The following SLK variants were observed in gnomAD, a reference collection of about 807,000 sequenced individuals.
SLK encodes STE20-like serine/threonine-protein kinase.
SLK carries 67 observed loss-of-function variants against 147.7 expected under a neutral mutation model. The observed-to-expected ratio is 0.45, with a 90% confidence interval of 0.37 to 0.56. The LOEUF is 0.56. Ranked by LOEUF, SLK falls within the 20% of genes least tolerant of loss-of-function variation. The pLI, the probability that SLK is intolerant of heterozygous loss-of-function variation, is 0.00. For synonymous variants in SLK, 441 were observed against 475.0 expected (o/e 0.93, Z 0.93); for missense variants, 1,136 against 1,438.8 (o/e 0.79, Z 3.41).
At chr10:104,007,459 TTAGC>T (rs1430366596) in intron 11 of SLK, among the ~76,000 whole-genome samples, 2 of 151,712 alleles carry the variant, frequency 1.3e-5, no homozygotes, top group Non-Finnish European at 2.9e-5. Flanking sequence ...TACAGAAAAA[TTAGC>T]TAGGCAGGAT....
chr10:104,019,987 T>G, intron 16 of SLK, 65 bp downstream of exon 16: 1 of 1,282,584 alleles, frequency 7.8e-7, no homozygotes, highest in East Asian at 2.3e-5. Flanking sequence ...TTAGAAGTTC[T>G]ACAAAATTCC....
At chr10:104,020,461 T>C in intron 16 of SLK, 27 bp from the exon 17 acceptor site, 1 of 1,598,970 alleles carries the variant, frequency 6.3e-7, no homozygotes, top group Non-Finnish European at 8.5e-7. Flanking sequence ...TTCTGAACTA[T>C]AGTTTATCTT....
intron 13 of SLK, among the ~76,000 whole-genome samples, chr10:104,015,214 G>T (rs752615124): frequency 4.3e-4 from 65 of 152,332 alleles, no homozygotes; most frequent in Middle Eastern, 3.4e-3. Flanking sequence ...CTGTAAGGCA[G>T]CTGGGTTCTT....
chr10:104,007,419 A>G (rs547327004), intron 11 of SLK, among the ~76,000 whole-genome samples: 2 of 152,128 alleles, frequency 1.3e-5, no homozygotes, highest in African/African-American at 4.8e-5. Flanking sequence ...CAACCTGGCA[A>G]ACATGGTAAA....
At chr10:103,983,297 T>C (rs775360745) in intron 1 of SLK, among the ~76,000 whole-genome samples, 6 of 152,214 alleles carry the variant, frequency 3.9e-5, no homozygotes, top group Non-Finnish European at 5.9e-5. Context: ...ATGAACAGTC[T>C]AAAAGTATAT....
At chr10:103,987,365 A>G (rs972909385) in intron 1 of SLK, among the ~76,000 whole-genome samples, 4 of 152,174 alleles carry the variant, frequency 2.6e-5, no homozygotes, top group Non-Finnish European at 5.9e-5. Context: ...ACATCAGTCA[A>G]TTAATTTTAG....
intron 11 of SLK, among the ~76,000 whole-genome samples, chr10:104,007,120 CTTA>C (rs1234296696): frequency 1.3e-5 from 2 of 151,786 alleles, no homozygotes; most frequent in African/African-American, 4.8e-5. Flanking sequence ...AAATGACAAT[CTTA>C]TTATTAAATA....
In SLK at chr10:103,992,573, CTTTTTTT is replaced by C; in HGVS notation, c.316-15_316-9del. ...AACTCCATGTAGTTTTAGACACACG[CTTTTTTT>C]TTTTTTTTTGCATGCAGATCCTCAT... On this transcript the variant is annotated intron_variant, in intron 2 of 18. Transcript: ENST00000369755. 6 of 1,216,014 alleles carry C rather than the reference CTTTTTTT, an allele frequency of 4.9e-6. No homozygotes were observed. Among genetic ancestry groups the C allele is most frequent in the Admixed American group, 6.9e-5 (2 of 28,830 alleles). The allele number at this position is 1,216,014 out of a possible 1,614,324, so 75.3% of individuals were successfully genotyped here.
intron 1 of SLK, among the ~76,000 whole-genome samples, chr10:103,987,693 AT>A (rs1844036428): frequency 6.6e-6 from 1 of 152,220 alleles, no homozygotes; most frequent in Admixed American, 6.5e-5. Context: ...CCTAGTTAGC[AT>A]TTTAAGATCT....
intron 1 of SLK, among the ~76,000 whole-genome samples, chr10:103,989,802 C>T (rs1844067513): frequency 6.6e-6 from 1 of 152,142 alleles, no homozygotes. Context: ...ACTAAACATA[C>T]TCTTACGATA....
intron 14 of SLK, 41 bp from the exon 15 acceptor site, chr10:104,018,743 A>G (rs558759162): frequency 6.3e-7 from 1 of 1,586,194 alleles, no homozygotes; most frequent in South Asian, 1.2e-5. Context: ...ACATTAGTAA[A>G]AAAAGAGCAA....
intron 11 of SLK, among the ~76,000 whole-genome samples, 181 bp from the exon 12 acceptor site, chr10:104,007,996 A>G (rs1180707600): frequency 2.0e-5 from 3 of 151,832 alleles, no homozygotes; most frequent in South Asian, 4.1e-4. Flanking sequence ...GAAAAAAAGA[A>G]CTCATTTTTT....
In SLK at chr10:104,005,707, A is replaced by C. The variant is rs1427412248; in HGVS notation, c.2480+16A>C. Reference sequence around the variant, plus strand: ...GGTTTCTTAGGTGAGTAGAGAAACAACGTAATTAAAACTGGTTTGTGACTT... The same window carrying C: ...GGTTTCTTAGGTGAGTAGAGAAACACCGTAATTAAAACTGGTTTGTGACTT... On this transcript the variant is annotated intron_variant, in intron 10 of 18. Transcript: ENST00000369755. 6.2e-7 allele frequency: 1 copy of C among 1,604,990 alleles called. No homozygotes were observed. Among genetic ancestry groups the C allele is most frequent in the Admixed American group, 1.7e-5 (1 of 58,462 alleles).
rs1159760101 is a variant in SLK at position 104,027,759 on chromosome 10, G to A, written c.*2039G>A. ...CCCTGTGCGCTAAATAGTGTGTGGT[G>A]CCTGATTAATTTGGTCTGAATATTT... On this transcript the variant is annotated 3_prime_UTR_variant, in exon 19 of 19. Coordinates refer to ENST00000369755, the MANE Select transcript of SLK (RefSeq NM_014720.4). The A allele has an allele frequency of 1.3e-5, 2 of 152,086 alleles. No homozygotes were observed. Among genetic ancestry groups the A allele is most frequent in the Non-Finnish European group, 2.9e-5 (2 of 68,016 alleles). The allele number at this position is 152,086 out of a possible 1,614,324, so 9.4% of individuals were successfully genotyped here.
chr10:103,973,369 A>G lies in SLK; in HGVS notation c.150+5474A>G, dbSNP rs74154710. ...CATTCTCCGTTCTCTTCATTGATCT[A>G]TTTGTCTATTCCTATACCAGTATCC... On this transcript the variant is annotated intron_variant, in intron 1 of 18. Transcript: ENST00000369755. 5.9e-5 allele frequency among the ~76,000 whole-genome samples: 9 copies of G among 152,114 alleles called. No homozygotes were observed. In the South Asian group the frequency reaches 6.2e-4, roughly 11 times the overall value.
chr10:103,972,086 TTG>T (rs1174235205), intron 1 of SLK, among the ~76,000 whole-genome samples: 10 of 152,256 alleles, frequency 6.6e-5, no homozygotes, highest in Non-Finnish European at 1.5e-4. Context: ...AAAGTCAGTA[TTG>T]TGTTTGTGAG....
intron 14 of SLK, among the ~76,000 whole-genome samples, 187 bp downstream of exon 14, chr10:104,018,476 G>A (rs1844493306): frequency 6.6e-6 from 1 of 151,932 alleles, no homozygotes; most frequent in Non-Finnish European, 1.5e-5. Context: ...TGTTAGAATG[G>A]GATTTAAAGT....
intron 13 of SLK, among the ~76,000 whole-genome samples, chr10:104,012,465 A>G (rs1451558995): frequency 2.6e-5 from 4 of 152,164 alleles, no homozygotes; most frequent in Non-Finnish European, 4.4e-5. Context: ...CAAACGCAGC[A>G]TTTACTATAT....
At chr10:103,967,920 G>C in intron 1 of SLK, 25 bp downstream of exon 1, 1 of 1,611,278 alleles carries the variant, frequency 6.2e-7, no homozygotes, top group Non-Finnish European at 8.5e-7. Context: ...ACGGGAAGTT[G>C]TACTGCGAAG....
Sources: gnomAD v4.1 joint callset for allele counts (sites outside exome capture counted in the v4.1 genomes callset) on GRCh38, gnomAD v4.1.1 for gene constraint, MANE v1.5 for transcripts, NCBI Gene and HGNC (gene_info 2026-07-23, HGNC 2026-07-21) for gene names.